AXIN1: variants seen among roughly 807,000 people sequenced by gnomAD.
AXIN1 encodes the protein axin 1, also known as axin-1.
A neutral mutation model predicts 76.4 loss-of-function variants in AXIN1; 30 were observed. The ratio of observed to expected loss-of-function variants is 0.39; its 90% CI spans 0.29 to 0.53. The LOEUF is 0.53. Ranked by LOEUF, AXIN1 falls within the 20% of genes least tolerant of loss-of-function variation. AXIN1 has a pLI of 0.66. For synonymous variants in AXIN1, 545 were observed against 501.4 expected, an observed-to-expected ratio of 1.09 and a Z score of -1.16; for missense variants, 1,140 against 1,198.8, an observed-to-expected ratio of 0.95 and a Z score of 0.72.
intron 9 of AXIN1, chr16:290,268 G>C (rs1312653497): frequency 1.3e-5 from 2 of 159,722 alleles, no homozygotes; most frequent in African/African-American, 4.8e-5. Context: ...CTGGGGTTCA[G>C]CCCTTGGGCC....
At chr16:325,488 G>A (rs59484923) in intron 2 of AXIN1, among the ~76,000 whole-genome samples, 8,073 of 152,236 alleles carry the variant, frequency 0.053, 693 homozygotes, top group African/African-American at 0.18. Context: ...GCTTCCCAGC[G>A]GGCAGAGTTG....
At chr16:335,505 T>C (rs2053785021) in intron 2 of AXIN1, among the ~76,000 whole-genome samples, 1 of 150,982 alleles carries the variant, frequency 6.6e-6, no homozygotes, top group African/African-American at 2.4e-5. Context: ...AGCACGCCAA[T>C]AACACAGCAC....
In AXIN1 at chr16:297,065, G is replaced by A. The variant is rs1218547542; in HGVS notation, c.1946C>T (p.Thr649Ile). 1 of 1,611,434 alleles carries A rather than the reference G, an allele frequency of 6.2e-7. No homozygotes were observed. The highest frequency in any genetic ancestry group is 8.5e-7 in the Non-Finnish European group (1 of 1,179,914). ...GEKEISRHRR[T>I]GHGSSGTRKP... is the part of the protein sequence containing the mutation. Reference sequence around the variant, plus strand: ...CGTGCGGGGTGCTCACCCGTGGCCGGTCCTGCGGTGCCTGCTGATCTCCTT... The same window carrying A: ...CGTGCGGGGTGCTCACCCGTGGCCGATCCTGCGGTGCCTGCTGATCTCCTT... The change falls in exon 7 of 11, where the codon ACC becomes ATC. Residue 649 changes from threonine to isoleucine, a missense_variant. This residue lies in a region of AXIN1 where 429 missense variants were observed against 405.8 expected (regional missense o/e 1.06). Transcript: ENST00000262320.
Position 293,306 on chromosome 16 carries a change from C to T in AXIN1, c.2186+182G>A, listed in dbSNP as rs536813820. ...AGCTCCAGCCCCAGCCTCCGTCCAC[C>T]GCAGGGTGGCCTGCCACGTGGCCCC... On this transcript the variant is annotated intron_variant, in intron 8 of 10. Transcript: ENST00000262320. This position sits in a 1 kb window ranked among gnomAD's most constrained non-coding sequence, Gnocchi z 4.6. The T allele has an allele frequency of 1.0e-3, 673 of 655,000 alleles. 10 individuals are homozygous for T. The South Asian group carries it at 0.012, about 12-fold the overall frequency. 40.6% of individuals were successfully genotyped at this position (655,000 alleles called of 1,614,324 possible). A position where few individuals can be genotyped will look rare whatever the true frequency, so the allele number is the denominator to read the frequency against.
rs3752594 is a variant in AXIN1, at chr16:297,269, C to T, written c.1785-43G>A. On this transcript the variant is annotated intron_variant, in intron 6 of 10. Coordinates refer to ENST00000262320, the MANE Select transcript of AXIN1 (RefSeq NM_003502.4). ...GCGAGTCGCCCTGGCCTCCGGTGGC[C>T]GAGGCTGTGCCCCTTCCTCGTCTGC... 116 of 1,599,524 alleles carry T rather than the reference C, an allele frequency of 7.3e-5. No homozygotes were observed. The East Asian group carries it at 2.3e-3, about 31-fold the overall frequency.
chr16:300,670 C>T (rs190503089), intron 5 of AXIN1, among the ~76,000 whole-genome samples: 21 of 152,300 alleles, frequency 1.4e-4, no homozygotes, highest in African/African-American at 4.6e-4. Context: ...AGAGGACAGA[C>T]GGATGCTGGA....
intron 9 of AXIN1, 53 bp from the exon 10 acceptor site, chr16:289,660 G>T: frequency 6.2e-7 from 1 of 1,604,240 alleles, no homozygotes. Flanking sequence ...GGTCCCACAG[G>T]GTCCCTCCTG....
At chr16:295,042 C>G (rs1383840557) in intron 7 of AXIN1, among the ~76,000 whole-genome samples, 1 of 127,328 alleles carries the variant, frequency 7.9e-6, no homozygotes, top group Non-Finnish European at 1.6e-5. Flanking sequence ...CCAGCCTGGG[C>G]AACAGAGCAA....
At chr16:299,732 T>G (rs1289737816) in intron 5 of AXIN1, among the ~76,000 whole-genome samples, 1 of 152,060 alleles carries the variant, frequency 6.6e-6, no homozygotes, top group Admixed American at 6.6e-5. Context: ...CTCGGCTCAC[T>G]GCAACCTCCG....
chr16:342,502 T>C (rs1467060965), intron 2 of AXIN1, among the ~76,000 whole-genome samples: 3 of 152,092 alleles, frequency 2.0e-5, no homozygotes, highest in Non-Finnish European at 4.4e-5. Context: ...CAGTACCCAC[T>C]CTCCTTTTCC....
rs747910838 is a variant in AXIN1, at chr16:346,120, GA to G, written c.878+27del. On this transcript the variant is annotated intron_variant, in intron 2 of 10. Transcript: ENST00000262320. ...TCTCCAGCTCTCGGAGGTGAGTACA[GA>G]AAGTGGACGCCTGGCGTCGGACTCA... is the stretch of plus-strand genomic sequence containing the variant. 3.1e-6 allele frequency: 5 copies of G among 1,608,194 alleles called. No individual in the cohort carries two copies. In the African/African-American group the frequency reaches 5.3e-5, roughly 17 times the overall value.
At position 352,421 on chromosome 16, in the gene AXIN1, CGGTCCG is replaced by C; in HGVS notation, c.-140_-135del. On this transcript the variant is annotated 5_prime_UTR_variant, in exon 1 of 11. Transcript: ENST00000262320. ...GCCCGGCTCCCGGAGCGGCGCGGCG[CGGTCCG>C]GGCCCATGCGCTCAGCGGCAGCGCG... is the stretch of plus-strand genomic sequence containing the variant. The C allele has an allele frequency of 4.8e-6, 4 of 826,070 alleles. No individual in the cohort carries two copies. The highest frequency in any genetic ancestry group is 5.3e-6 in the Non-Finnish European group (4 of 755,220). 51.2% of individuals were successfully genotyped at this position (826,070 alleles called of 1,614,324 possible). A position where few individuals can be genotyped will look rare whatever the true frequency, so the allele number is the denominator to read the frequency against.
At chr16:338,219 C>G (rs994118167) in intron 2 of AXIN1, among the ~76,000 whole-genome samples, 1 of 152,354 alleles carries the variant, frequency 6.6e-6, no homozygotes, top group East Asian at 1.9e-4. Context: ...CAATTCAAAT[C>G]TGTGACACTG....
chr16:302,429 G>A (rs760295157), intron 5 of AXIN1, among the ~76,000 whole-genome samples: 4 of 152,230 alleles, frequency 2.6e-5, no homozygotes, highest in African/African-American at 4.8e-5. Flanking sequence ...ACAAATCGAC[G>A]TCTGTGTGTG....
chr16:289,885 T>A, intron 9 of AXIN1: 1 of 549,782 alleles, frequency 1.8e-6, no homozygotes, highest in Non-Finnish European at 3.3e-6. Flanking sequence ...CCAGGTGCAC[T>A]GCAGCTCCCA....
chr16:288,160 C>CAAAG lies in AXIN1; in HGVS notation c.2547_2550dup (p.Glu851LeufsTer2). ...TCCACTTTGCCGATGATCTTCTCCTCAAAGACGGGCAGGACGGCCTCGTCC... is the reference window on the plus strand; with the variant it reads ...TCCACTTTGCCGATGATCTTCTCCTCAAAGAAAGACGGGCAGGACGGCCTCGTCC... On this transcript the variant is annotated frameshift_variant, in exon 11 of 11. Coordinates refer to ENST00000262320, the MANE Select transcript of AXIN1 (RefSeq NM_003502.4). LOFTEE classifies it high-confidence loss of function. 6.2e-7 allele frequency: 1 copy of CAAAG among 1,613,656 alleles called. No individual in the cohort carries two copies. The highest frequency in any genetic ancestry group is 8.5e-7 in the Non-Finnish European group (1 of 1,180,022).
chr16:320,868 T>C (rs1235940188), intron 2 of AXIN1, among the ~76,000 whole-genome samples: 2 of 151,454 alleles, frequency 1.3e-5, no homozygotes, highest in African/African-American at 4.9e-5. Flanking sequence ...GCCTCCCGAG[T>C]AGCTGGGACT....
At chr16:331,195 T>C (rs1027186287) in intron 2 of AXIN1, among the ~76,000 whole-genome samples, 1 of 152,160 alleles carries the variant, frequency 6.6e-6, no homozygotes, top group African/African-American at 2.4e-5. Flanking sequence ...TATTAAAAAT[T>C]AAAACACTGG....
rs1479863283 is a variant in AXIN1 at position 332,693 on chromosome 16, G to C, written c.878+13455C>G. Among the ~76,000 whole-genome samples, 6 of 135,202 alleles carry C rather than the reference G, an allele frequency of 4.4e-5. 1 individual carries two copies. The highest frequency in any genetic ancestry group is 1.7e-4 in the African/African-American group (6 of 35,496). The allele number at this position is 135,202 out of a possible 152,430, so 88.7% of individuals were successfully genotyped here. On this transcript the variant is annotated intron_variant, in intron 2 of 10. Coordinates refer to ENST00000262320, the MANE Select transcript of AXIN1 (RefSeq NM_003502.4). ...AAAAAAAAAAAAAGTATAATTTTTT[G>C]AGTGTATATTCAGAAAGCAAGGGCA...
Sources: allele counts gnomAD v4.1 joint callset (sites outside exome capture counted in the v4.1 genomes callset), GRCh38; gene constraint gnomAD v4.1.1; regional missense constraint gnomAD v4.1.1; non-coding constraint Gnocchi (gnomAD v3.1); transcripts MANE v1.5; gene names NCBI Gene and HGNC (gene_info 2026-07-23, HGNC 2026-07-21).